The following UGT1A10 variants were observed in gnomAD, a reference collection of about 807,000 sequenced individuals.
The protein encoded by UGT1A10 is UDP glucuronosyltransferase family 1 member A10, also known as UDP-glucuronosyltransferase 1A10.
A neutral mutation model predicts 45.8 loss-of-function variants in UGT1A10; 49 were observed. The observed-to-expected ratio is 1.07, with a 90% CI of 0.85 to 1.36. The LOEUF is 1.36. Ranked by LOEUF, UGT1A10 falls within the 40% of genes most tolerant of loss-of-function variation. The probability of loss-of-function intolerance (pLI) is 0.00; values close to 1 mark genes in which losing one functional copy is unlikely to be tolerated. For synonymous variants in UGT1A10, 284 were observed against 249.7 expected, an observed-to-expected ratio of 1.14 and a Z score of -1.29; for missense variants, 745 against 668.6, an observed-to-expected ratio of 1.11 and a Z score of -1.26.
chr2:233,732,649 T>A (rs1277173996), intron 1 of UGT1A10, among the ~76,000 whole-genome samples: 1 of 152,232 alleles, frequency 6.6e-6, no homozygotes, highest in Admixed American at 6.5e-5. Context: ...ACCACTGTTC[T>A]GCTCCATTGG....
chr2:233,705,440 G>A (rs72986482), intron 1 of UGT1A10, among the ~76,000 whole-genome samples: 3,401 of 152,250 alleles, frequency 0.022, 46 homozygotes, highest in Middle Eastern at 0.041. Flanking sequence ...TTATCCTTCA[G>A]AATTGCACAT....
At chr2:233,744,229 G>T (rs1245532493) in intron 1 of UGT1A10, among the ~76,000 whole-genome samples, 1 of 151,826 alleles carries the variant, frequency 6.6e-6, no homozygotes, top group African/African-American at 2.4e-5. Context: ...AAAAGAGAGG[G>T]CCTTGACTTT....
At chr2:233,646,620 CTT>C (rs144425023) in intron 1 of UGT1A10, among the ~76,000 whole-genome samples, 16,333 of 152,248 alleles carry the variant, frequency 0.11, 1,209 homozygotes, top group Middle Eastern at 0.19. Flanking sequence ...CTGCCAGTCT[CTT>C]TGCTAAAACA....
At chr2:233,723,587 T>C (rs2077102865) in intron 1 of UGT1A10, among the ~76,000 whole-genome samples, 1 of 113,268 alleles carries the variant, frequency 8.8e-6, no homozygotes, top group Non-Finnish European at 1.8e-5. Context: ...GAGGGGGATT[T>C]GGCAGGGTCA....
intron 1 of UGT1A10, chr2:233,693,869 G>C (rs1216343512): frequency 6.2e-7 from 1 of 1,614,152 alleles, no homozygotes; most frequent in Non-Finnish European, 8.5e-7. Flanking sequence ...GTCTCAGGTT[G>C]GTGGGTTTAT....
chr2:233,651,851 T>C (rs562010514), intron 1 of UGT1A10, among the ~76,000 whole-genome samples: 1 of 152,340 alleles, frequency 6.6e-6, no homozygotes, highest in East Asian at 1.9e-4. Flanking sequence ...TCTCAGATCC[T>C]ACATAGGGGT....
At chr2:233,727,355 C>A (rs1460228940) in intron 1 of UGT1A10, among the ~76,000 whole-genome samples, 2 of 152,284 alleles carry the variant, frequency 1.3e-5, no homozygotes, top group East Asian at 3.9e-4. Context: ...TTCTGCTATC[C>A]TTAGGGCCCC....
chr2:233,677,495 A>G (rs1201804593), intron 1 of UGT1A10, among the ~76,000 whole-genome samples: 2 of 152,220 alleles, frequency 1.3e-5, no homozygotes. Flanking sequence ...TTTGTATGTT[A>G]TTAGTATTAT....
At position 233,654,758 on chromosome 2, in the gene UGT1A10, G is replaced by C. The variant is rs549116915; in HGVS notation, c.855+17381G>C. The stretch of plus-strand genomic sequence containing the variant: ...CTGCAAACCACATCTTGAACAGACT[G>C]TTTTAGACCCAGTCCAGTGGCTCTA... On this transcript the variant is annotated intron_variant, in intron 1 of 4. Transcript: ENST00000344644. 6.3e-4 allele frequency among the ~76,000 whole-genome samples: 96 copies of C among 152,278 alleles called. 1 individual carries two copies. Among genetic ancestry groups the C allele is most frequent in the African/African-American group, 2.1e-3 (87 of 41,562 alleles).
intron 1 of UGT1A10, chr2:233,761,302 C>G: frequency 6.8e-7 from 1 of 1,473,836 alleles, no homozygotes. Context: ...AGGTTTGAGT[C>G]TGTCTTTGGC....
intron 1 of UGT1A10, among the ~76,000 whole-genome samples, chr2:233,688,623 T>G (rs948549500): frequency 2.6e-5 from 4 of 152,128 alleles, no homozygotes; most frequent in African/African-American, 9.7e-5. Flanking sequence ...CAAACATGAG[T>G]TCGTCTTGTT....
chr2:233,738,821 A>G (rs1039985874), intron 1 of UGT1A10: 3 of 152,270 alleles, frequency 2.0e-5, no homozygotes, highest in African/African-American at 7.2e-5. Context: ...AATTTGAATA[A>G]ATAAGGAGGA....
intron 1 of UGT1A10, among the ~76,000 whole-genome samples, chr2:233,746,724 T>G (rs1380174241): frequency 1.3e-5 from 2 of 151,818 alleles, no homozygotes; most frequent in Non-Finnish European, 2.9e-5. Flanking sequence ...GAATTAGCAA[T>G]GGATTCTGCT....
At chr2:233,669,013 GGGTTATA>G (rs2074130273) in intron 1 of UGT1A10, among the ~76,000 whole-genome samples, 1 of 152,164 alleles carries the variant, frequency 6.6e-6, no homozygotes, top group African/African-American at 2.4e-5. Context: ...GGTAACACAG[GGGTTATA>G]GGTTTTTAGG....
At chr2:233,725,992 T>C (rs1189472170) in intron 1 of UGT1A10, among the ~76,000 whole-genome samples, 2 of 152,010 alleles carry the variant, frequency 1.3e-5, no homozygotes, top group Admixed American at 6.6e-5. Context: ...GTGCTGAGAC[T>C]GCATCTCTAC....
In UGT1A10 at chr2:233,656,923, CT is replaced by C. The variant is rs961609429; in HGVS notation, c.855+19558del. On this transcript the variant is annotated intron_variant, in intron 1 of 4. Coordinates refer to ENST00000344644, the MANE Select transcript of UGT1A10 (RefSeq NM_019075.4). Reference sequence around the variant, plus strand: ...TGTGGCATCTCCCTTAGTTAAACATCTTTTTTTTTTTTCCTTTCCTGTGAGT... The same window carrying C: ...TGTGGCATCTCCCTTAGTTAAACATCTTTTTTTTTTTCCTTTCCTGTGAGT... Among the ~76,000 whole-genome samples the C allele has an allele frequency of 6.0e-3, 884 of 146,310 alleles. 4 individuals carry two copies. Among genetic ancestry groups the C allele is most frequent in the Middle Eastern group, 0.036 (10 of 278 alleles).
At chr2:233,641,592 T>C (rs986704257) in intron 1 of UGT1A10, among the ~76,000 whole-genome samples, 1 of 152,240 alleles carries the variant, frequency 6.6e-6, no homozygotes, top group Admixed American at 6.5e-5. Flanking sequence ...GTACTTACTA[T>C]TACCAGTGAG....
intron 1 of UGT1A10, chr2:233,682,268 A>G (rs745592985): frequency 1.2e-6 from 2 of 1,614,204 alleles, no homozygotes; most frequent in Admixed American, 3.3e-5. Context: ...TCTATTAACA[A>G]GTTCATCCAA....
chr2:233,730,336 A>G (rs552905312), intron 1 of UGT1A10, among the ~76,000 whole-genome samples: 1 of 152,310 alleles, frequency 6.6e-6, no homozygotes, highest in African/African-American at 2.4e-5. Flanking sequence ...TACGTTTGGA[A>G]CTGATCCATC....
Sources: gnomAD v4.1 joint callset for allele counts (sites outside exome capture counted in the v4.1 genomes callset) on GRCh38, gnomAD v4.1.1 for gene constraint, MANE v1.5 for transcripts, NCBI Gene and HGNC (gene_info 2026-07-23, HGNC 2026-07-21) for gene names.